Variants in KLHL17 observed in about 807,000 individuals in gnomAD.
KLHL17 encodes the protein kelch like family member 17, also known as kelch-like protein 17.
Under a neutral mutation model 64.6 loss-of-function variants are expected in KLHL17, and 71 were observed. The ratio of observed to expected loss-of-function variants is 1.10; its 90% CI spans 0.91 to 1.34. KLHL17 has a LOEUF of 1.34. Ranked by LOEUF, KLHL17 falls within the 40% of genes most tolerant of loss-of-function variation. KLHL17 has a pLI of 0.00. For synonymous variants in KLHL17, 612 were observed against 405.4 expected (o/e 1.51, Z -6.12); for missense variants, 1,140 against 935.0 (o/e 1.22, Z -2.86).
rs1185048684 is a variant in KLHL17 at position 963,234 on chromosome 1, C to T, written c.1168C>T (p.Arg390Trp). The T allele has an allele frequency of 2.5e-6, 4 of 1,604,224 alleles. No homozygotes were observed. The highest frequency in any genetic ancestry group is 3.4e-6 in the Non-Finnish European group (4 of 1,173,402). ...GGTGGGAGTGGCTGCGGTGGGGAAC[C>T]GGCTCTATGCTGTGGGCGGGTAAGC... Reference protein sequence around the residue: ...ARVGVAAVGNRLYAVGGYDGT... With the variant: ...ARVGVAAVGNWLYAVGGYDGT... Residue 390 changes from arginine (R) to tryptophan (W), a missense_variant, in exon 7 of 12, where the codon CGG (arginine) becomes TGG (tryptophan). Physicochemically the swap from Arg to Trp is moderately radical, Grantham distance 101. Transcript: ENST00000338591.
At chr1:962,233 C>G (rs777425140) in intron 4 of KLHL17, 122 bp from the exon 5 acceptor site, 5 of 1,502,648 alleles carry the variant, frequency 3.3e-6, no homozygotes, top group East Asian at 2.4e-5. Flanking sequence ...TGACTCTGCT[C>G]GGCCCCTCCC....
chr1:962,551 C>T (rs995956631), intron 5 of KLHL17, 80 bp downstream of exon 5: 1 of 1,566,416 alleles, frequency 6.4e-7, no homozygotes, highest in Non-Finnish European at 8.7e-7. Flanking sequence ...CCCTGACCTT[C>T]CCCGAGTTCA....
rs557137194 is a variant in KLHL17 at position 962,713 on chromosome 1, T to G, written c.838T>G (p.Cys280Gly). ...GTTCCCTGCACCCCAGCTCATGAAG[T>G]GTGTGCGGCTGCCCTTGCTGAGCCG... ...RRQHVPRLMK[C>G]VRLPLLSRDF... The change falls in exon 6 of 12, where the codon TGT becomes GGT. Residue 280 changes from cysteine (C) to glycine (G), a missense_variant. Physicochemically the swap from Cys to Gly is radical, Grantham distance 159. Coordinates refer to ENST00000338591, the MANE Select transcript of KLHL17 (RefSeq NM_198317.3). 22 of 1,598,842 alleles carry G rather than the reference T, an allele frequency of 1.4e-5. No individual in the cohort carries two copies. The South Asian group carries it at 2.3e-4, about 17-fold the overall frequency.
rs764335553 is a variant in KLHL17, at chr1:962,145, C to T, written c.711+98C>T. 1.0e-4 allele frequency: 136 copies of T among 1,321,650 alleles called. 1 individual carries two copies. Among genetic ancestry groups the T allele is most frequent in the Middle Eastern group, 1.8e-4 (1 of 5,570 alleles). 81.9% of individuals were successfully genotyped at this position (1,321,650 alleles called of 1,614,324 possible). A position where few individuals can be genotyped will look rare whatever the true frequency, so the allele number is the denominator to read the frequency against. ...CGTTTTGTTCCTGACACAGCCCTGC[C>T]CACAATCCTTAGTGCCTGCTGTGTG... is the stretch of plus-strand genomic sequence containing the variant. On this transcript the variant is annotated intron_variant, in intron 4 of 11. Transcript: ENST00000338591.
rs1277447056 is a variant in KLHL17, at chr1:965,382, C to T, written c.*191C>T. The T allele has an allele frequency of 2.0e-5, 12 of 610,038 alleles. No homozygotes were observed. The highest frequency in any genetic ancestry group is 3.1e-5 in the Non-Finnish European group (11 of 351,036). 37.8% of individuals were successfully genotyped at this position (610,038 alleles called of 1,614,324 possible). ...GAGTGCCACGGCTGCCCGTTTACAC[C>T]TTTAGCGTCTGGTCCTCCTGCGTGT... is the stretch of plus-strand genomic sequence containing the variant. On this transcript the variant is annotated 3_prime_UTR_variant, in exon 12 of 12. Transcript: ENST00000338591.
Position 964,847 on chromosome 1 carries a change from A to G in KLHL17, c.1701-116A>G. ...GGGTCCGCAGTGGGGATGTGCTGTG[A>G]GAAGGGAGTTCTCCCAACCTCAGCG... On this transcript the variant is annotated intron_variant, in intron 11 of 11. Transcript: ENST00000338591. The G allele has an allele frequency of 3.3e-6, 3 of 905,954 alleles. No individual in the cohort carries two copies. The South Asian group carries it at 4.9e-5, about 15-fold the overall frequency. 56.1% of individuals were successfully genotyped at this position (905,954 alleles called of 1,614,324 possible).
intron 1 of KLHL17, 31 bp downstream of exon 1, chr1:960,831 C>A: frequency 1.0e-6 from 1 of 986,730 alleles, no homozygotes; most frequent in Non-Finnish European, 1.2e-6. Context: ...GCGCGGGGGG[C>A]GGCCTCGGGA....
rs1354141430 is a variant in KLHL17 at position 961,933 on chromosome 1, C to T, written c.597C>T (p.Gly199=). ...LDPSNCLGIR[G]FADAHSCSDL... Reference sequence around the variant, plus strand: ...CCTCCAACTGCCTGGGTATCCGGGGCTTTGCCGATGCGCACTCCTGCAGCG... The same window carrying T: ...CCTCCAACTGCCTGGGTATCCGGGGTTTTGCCGATGCGCACTCCTGCAGCG... Residue 199 remains glycine, a synonymous_variant, in exon 4 of 12, where the codon GGC becomes GGT. Transcript: ENST00000338591. The T allele has an allele frequency of 4.3e-6, 7 of 1,612,962 alleles. No homozygotes were observed. Among genetic ancestry groups the T allele is most frequent in the Admixed American group, 3.3e-5 (2 of 60,034 alleles).
intron 3 of KLHL17, 24 bp downstream of exon 3, chr1:961,774 C>G (rs1329335294): frequency 1.9e-6 from 3 of 1,611,588 alleles, no homozygotes; most frequent in Admixed American, 1.7e-5. Context: ...CACCCGGATC[C>G]CGGTGTCCCC....
chr1:963,790 G>T, intron 8 of KLHL17, 130 bp from the exon 9 acceptor site: 1 of 1,109,610 alleles, frequency 9.0e-7, no homozygotes, highest in Non-Finnish European at 1.3e-6. Context: ...GGCCCTGCCT[G>T]GTAGGACTTT....
chr1:962,160 C>G, intron 4 of KLHL17, 113 bp downstream of exon 4: 2 of 1,256,440 alleles, frequency 1.6e-6, no homozygotes, highest in Admixed American at 2.1e-5. Flanking sequence ...ATCCTTAGTG[C>G]CTGCTGTGTG....
intron 9 of KLHL17, 31 bp from the exon 10 acceptor site, chr1:964,076 G>A (rs1381612896): frequency 1.2e-6 from 2 of 1,612,558 alleles, no homozygotes; most frequent in East Asian, 4.5e-5. Flanking sequence ...ACTCCCAGCA[G>A]GAGTGCCACG....
At chr1:963,711 C>T in intron 8 of KLHL17, 1 of 817,962 alleles carries the variant, frequency 1.2e-6, no homozygotes, top group Non-Finnish European at 1.9e-6. Flanking sequence ...ACCCCCAGTC[C>T]AGAGGCTGGG....
chr1:962,469 C>CGGGTG lies in KLHL17; in HGVS notation c.827_828+3dup. ...GGACGCCCGCAGGCAGCATGTCCCA[C>CGGGTG]GGGTGAGGCGCGGCCGCGGGGGGCT... is the stretch of plus-strand genomic sequence containing the variant. On this transcript the variant is annotated frameshift_variant and splice_region_variant, in exon 5 of 12. Coordinates refer to ENST00000338591, the MANE Select transcript of KLHL17 (RefSeq NM_198317.3). LOFTEE classifies it high-confidence loss of function. 6.2e-7 allele frequency: 1 copy of CGGGTG among 1,612,332 alleles called. No individual in the cohort carries two copies. Among genetic ancestry groups the CGGGTG allele is most frequent in the Non-Finnish European group, 8.5e-7 (1 of 1,179,770 alleles).
Position 965,461 on chromosome 1 carries a change from C to G in KLHL17, c.*270C>G. ...GCGGGGAGTGACCAGGCGGGGGCCT[C>G]ACCGCCCCAGGGCCGTTGCCTGCTC... On this transcript the variant is annotated 3_prime_UTR_variant, in exon 12 of 12. Coordinates refer to ENST00000338591, the MANE Select transcript of KLHL17 (RefSeq NM_198317.3). 1 of 530,206 alleles carries G rather than the reference C, an allele frequency of 1.9e-6. No individual in the cohort carries two copies. Among genetic ancestry groups the G allele is most frequent in the East Asian group, 3.2e-5 (1 of 31,128 alleles). 32.8% of individuals were successfully genotyped at this position (530,206 alleles called of 1,614,324 possible).
intron 5 of KLHL17, 29 bp from the exon 6 acceptor site, chr1:962,675 G>A (rs372730369): frequency 1.2e-5 from 18 of 1,562,158 alleles, no homozygotes; most frequent in South Asian, 2.4e-5. Flanking sequence ...CGAGGGTCCC[G>A]CCTGACCTTG....
chr1:962,849 G>A lies in KLHL17; in HGVS notation c.974G>A (p.Gly325Asp). The A allele has an allele frequency of 6.3e-7, 1 of 1,596,304 alleles. No individual in the cohort carries two copies. Among genetic ancestry groups the A allele is most frequent in the Non-Finnish European group, 8.5e-7 (1 of 1,174,832 alleles). The change falls in exon 6 of 12, where the codon GGC becomes GAC. Residue 325 changes from glycine to aspartate, a missense_variant. Transcript: ENST00000338591. The stretch of plus-strand genomic sequence containing the variant: ...TTCCACCTGCTGCCTGAGCAGAGGG[G>A]CGTCCTAGGCACCAGCCGCACACGT... The part of the protein sequence containing the change: ...LKFHLLPEQR[G>D]VLGTSRTRPR...
At position 965,381 on chromosome 1, in the gene KLHL17, C is replaced by A; in HGVS notation, c.*190C>A. ...GGAGTGCCACGGCTGCCCGTTTACA[C>A]CTTTAGCGTCTGGTCCTCCTGCGTG... On this transcript the variant is annotated 3_prime_UTR_variant, in exon 12 of 12. Coordinates refer to ENST00000338591, the MANE Select transcript of KLHL17 (RefSeq NM_198317.3). The A allele has an allele frequency of 1.6e-6, 1 of 611,856 alleles. No homozygotes were observed. The highest frequency in any genetic ancestry group is 2.8e-6 in the Non-Finnish European group (1 of 352,468). 37.9% of individuals were successfully genotyped at this position (611,856 alleles called of 1,614,324 possible).
Position 965,315 on chromosome 1 carries a change from GTTTA to G in KLHL17, c.*133_*136del, listed in dbSNP as rs976981720. On this transcript the variant is annotated 3_prime_UTR_variant, in exon 12 of 12. Coordinates refer to ENST00000338591, the MANE Select transcript of KLHL17 (RefSeq NM_198317.3). ...CATTCCTTCATGTCTTTATTTAGTT[GTTTA>G]TTTATTTAGTTATTTATCTTATTTA... 1.1e-4 allele frequency: 88 copies of G among 774,350 alleles called. 1 individual carries two copies. Among genetic ancestry groups the G allele is most frequent in the East Asian group, 8.3e-4 (30 of 36,136 alleles). The allele number at this position is 774,350 out of a possible 1,614,324, so 48.0% of individuals were successfully genotyped here.
Sources: gnomAD v4.1 joint callset for allele counts on GRCh38, gnomAD v4.1.1 for gene constraint, MANE v1.5 for transcripts, NCBI Gene and HGNC (gene_info 2026-07-23, HGNC 2026-07-21) for gene names.